Variants in OSBP observed in about 807,000 individuals in gnomAD.
OSBP encodes oxysterol-binding protein 1.
A neutral mutation model predicts 96.6 loss-of-function variants in OSBP; 32 were observed. The observed-to-expected ratio is 0.33, with a 90% CI of 0.25 to 0.45. The LOEUF (loss-of-function observed/expected upper bound fraction) is 0.45. OSBP is among the 20% of genes least tolerant of loss of function. OSBP has a pLI of 1.00. For missense variants in OSBP, 653 were observed against 1,029.7 expected (o/e 0.63, Z 5.01); for synonymous variants, 369 against 389.6 (o/e 0.95, Z 0.62).
At chr11:59,614,142 C>A (rs1259840556) in intron 1 of OSBP, among the ~76,000 whole-genome samples, 1 of 152,176 alleles carries the variant, frequency 6.6e-6, no homozygotes, top group African/African-American at 2.4e-5. Context: ...CATAAAATTA[C>A]TTGCTATTGA....
chr11:59,607,523 G>A (rs1332498005), intron 3 of OSBP, among the ~76,000 whole-genome samples: 1 of 151,916 alleles, frequency 6.6e-6, no homozygotes, highest in African/African-American at 2.4e-5. Context: ...ACTTTCCCAT[G>A]GTCATGGGAA....
rs1424942354 is a variant in OSBP, at chr11:59,601,268, T to C, written c.1124+15A>G. 6.9e-7 allele frequency: 1 copy of C among 1,441,262 alleles called. No homozygotes were observed. Among genetic ancestry groups the C allele is most frequent in the Admixed American group, 1.7e-5 (1 of 59,696 alleles). 89.3% of individuals were successfully genotyped at this position (1,441,262 alleles called of 1,614,324 possible). A position where few individuals can be genotyped will look rare whatever the true frequency, so the allele number is the denominator to read the frequency against. On this transcript the variant is annotated intron_variant, in intron 5 of 13. Transcript: ENST00000263847. ...AAGATATGTTTATTTGCTTCAACAA[T>C]CAAGGATAACTCACTTGTGGCCCAA...
Position 59,576,557 on chromosome 11 carries a change from T to C in OSBP, c.*20A>G. 1.9e-6 allele frequency: 3 copies of C among 1,610,572 alleles called. No homozygotes were observed. The highest frequency in any genetic ancestry group is 2.5e-6 in the Non-Finnish European group (3 of 1,178,730). On this transcript the variant is annotated 3_prime_UTR_variant, in exon 14 of 14. Transcript: ENST00000263847. Reference sequence around the variant, plus strand: ...TGTCCTCTTCTCCATTATATGCTCCTCTTTTTTGTTACTGCCGTTTCAGAA... The same window carrying C: ...TGTCCTCTTCTCCATTATATGCTCCCCTTTTTTGTTACTGCCGTTTCAGAA...
At chr11:59,599,858 G>A (rs1052176713) in intron 7 of OSBP, among the ~76,000 whole-genome samples, 1 of 152,158 alleles carries the variant, frequency 6.6e-6, no homozygotes. Context: ...TCGCCCATGG[G>A]GAGGAGTTAC....
At chr11:59,593,152 A>T (rs1428671456) in intron 9 of OSBP, among the ~76,000 whole-genome samples, 2 of 152,154 alleles carry the variant, frequency 1.3e-5, no homozygotes, top group African/African-American at 4.8e-5. Flanking sequence ...CAGCCATTAC[A>T]TAAATGATAC....
In OSBP at chr11:59,609,278, T is replaced by A. The variant is rs74787896; in HGVS notation, c.572-544A>T. Among the ~76,000 whole-genome samples the A allele has an allele frequency of 3.4e-3, 514 of 152,230 alleles. 2 individuals are homozygous for A. The highest frequency in any genetic ancestry group is 4.4e-3 in the Non-Finnish European group (300 of 68,008). ...AAGTCCACATTACAAAAAAGGCCAT[T>A]AATTTGTCTTCTGAAAGAGAGCTCA... On this transcript the variant is annotated intron_variant, in intron 2 of 13. Transcript: ENST00000263847.
In OSBP at chr11:59,576,743, A is replaced by C. The variant is rs772355009; in HGVS notation, c.2282-24T>G. On this transcript the variant is annotated intron_variant, in intron 13 of 13. Coordinates refer to ENST00000263847, the MANE Select transcript of OSBP (RefSeq NM_002556.3). ...GCCTAAAAGGAAAAGAGAGGAAAGA[A>C]AAAAATTAGTGCTGGCATTCTCCAT... is the stretch of plus-strand genomic sequence containing the variant. 2.5e-6 allele frequency: 4 copies of C among 1,612,196 alleles called. No individual in the cohort carries two copies. The Admixed American group carries it at 6.7e-5, about 27-fold the overall frequency.
intron 3 of OSBP, 103 bp downstream of exon 3, chr11:59,608,381 A>T: frequency 7.2e-7 from 1 of 1,387,206 alleles, no homozygotes; most frequent in Non-Finnish European, 1.0e-6. Flanking sequence ...AGCAGGCCCT[A>T]ATGTTCTGTG....
At chr11:59,589,369 G>A (rs1860547405) in intron 9 of OSBP, among the ~76,000 whole-genome samples, 1 of 151,784 alleles carries the variant, frequency 6.6e-6, no homozygotes, top group Non-Finnish European at 1.5e-5. Flanking sequence ...GGGAGGCCAA[G>A]GCAGGTGGAT....
intron 7 of OSBP, among the ~76,000 whole-genome samples, chr11:59,597,927 A>G (rs545016808): frequency 1.3e-5 from 2 of 152,220 alleles, no homozygotes; most frequent in South Asian, 4.1e-4. Flanking sequence ...GCTGGTCTCG[A>G]ACTCCTGAGC....
intron 1 of OSBP, among the ~76,000 whole-genome samples, chr11:59,613,774 G>C (rs1860883867): frequency 6.6e-6 from 1 of 152,198 alleles, no homozygotes; most frequent in Non-Finnish European, 1.5e-5. Flanking sequence ...CACAACTGTT[G>C]ATTAAGCAGT....
chr11:59,581,582 A>G (rs1266800150), intron 9 of OSBP, 28 bp from the exon 10 acceptor site: 1 of 1,363,104 alleles, frequency 7.3e-7, no homozygotes, highest in African/African-American at 1.4e-5. Context: ...TATCCAAATT[A>G]AGCCAAATGT....
intron 9 of OSBP, among the ~76,000 whole-genome samples, chr11:59,588,865 T>A (rs1201411063): frequency 1.3e-5 from 2 of 151,676 alleles, no homozygotes. Context: ...GTTAGCCAGG[T>A]GTGGTGGTGC....
chr11:59,594,652 AGAAT>A (rs1860626321), intron 7 of OSBP, among the ~76,000 whole-genome samples: 2 of 152,276 alleles, frequency 1.3e-5, no homozygotes, highest in African/African-American at 2.4e-5. Flanking sequence ...AAATTCTTGG[AGAAT>A]GAAAGAAACA....
intron 7 of OSBP, 46 bp from the exon 8 acceptor site, chr11:59,594,301 AAG>A: frequency 1.9e-6 from 3 of 1,583,146 alleles, no homozygotes; most frequent in Non-Finnish European, 2.6e-6. Context: ...ACTCATCTAT[AAG>A]AGACAGTTTA....
At chr11:59,602,037 A>G (rs1860731245) in intron 3 of OSBP, among the ~76,000 whole-genome samples, 199 bp from the exon 4 acceptor site, 1 of 152,210 alleles carries the variant, frequency 6.6e-6, no homozygotes, top group African/African-American at 2.4e-5. Flanking sequence ...AAAAGTAAAT[A>G]TGGTTGTCAT....
chr11:59,613,621 T>C (rs183272299), intron 1 of OSBP, among the ~76,000 whole-genome samples: 23 of 152,286 alleles, frequency 1.5e-4, no homozygotes, highest in African/African-American at 4.6e-4. Flanking sequence ...AAACATGAAC[T>C]TGAATGAGAG....
intron 1 of OSBP, among the ~76,000 whole-genome samples, 189 bp downstream of exon 1, chr11:59,615,114 G>A (rs1255359408): frequency 1.3e-5 from 2 of 152,200 alleles, no homozygotes; most frequent in Non-Finnish European, 2.9e-5. Flanking sequence ...GGGAGGGGAG[G>A]TGTACGTCCA....
chr11:59,592,799 C>CT (rs11440698), intron 9 of OSBP, among the ~76,000 whole-genome samples: 7,942 of 141,518 alleles, frequency 0.056, 428 homozygotes, highest in Admixed American at 0.14. Context: ...TGGGTTTTTC[C>CT]TTTTTTTTTT....
Sources: allele counts gnomAD v4.1 joint callset (sites outside exome capture counted in the v4.1 genomes callset), GRCh38; gene constraint gnomAD v4.1.1; transcripts MANE v1.5; gene names NCBI Gene and HGNC (gene_info 2026-07-23, HGNC 2026-07-21).